The following LHFPL4 variants were observed in gnomAD, a reference collection of about 807,000 sequenced individuals.
LHFPL4 encodes the protein LHFPL tetraspan subfamily member 4.
A neutral mutation model predicts 20.0 loss-of-function variants in LHFPL4; 6 were observed. The ratio of observed to expected loss-of-function variants is 0.30; its 90% CI spans 0.16 to 0.59. The LOEUF is 0.59. Among genes scored for constraint, LHFPL4 ranks in the 20% least tolerant of loss-of-function variants. LHFPL4 has a pLI of 0.88. For synonymous variants in LHFPL4, 129 were observed against 143.8 expected (o/e 0.90, Z 0.74); for missense variants, 215 against 331.2 (o/e 0.65, Z 2.72).
intron 2 of LHFPL4, among the ~76,000 whole-genome samples, chr3:9,508,462 A>G (rs2046234957): frequency 6.6e-6 from 1 of 152,222 alleles, no homozygotes; most frequent in South Asian, 2.1e-4. Flanking sequence ...TGCGGCGGGA[A>G]CAAGCTGGAT....
chr3:9,532,276 G>T (rs556006099), intron 2 of LHFPL4, among the ~76,000 whole-genome samples: 1 of 152,106 alleles, frequency 6.6e-6, no homozygotes, highest in East Asian at 1.9e-4. Flanking sequence ...TGATCTGCCC[G>T]CCTTGGCCTC....
At chr3:9,511,315 C>A (rs2046259387) in intron 2 of LHFPL4, among the ~76,000 whole-genome samples, 1 of 151,112 alleles carries the variant, frequency 6.6e-6, no homozygotes, top group African/African-American at 2.4e-5. Flanking sequence ...CATGCCACTG[C>A]ACTCCAGCCT....
chr3:9,527,923 G>A (rs1220103242), intron 2 of LHFPL4, among the ~76,000 whole-genome samples: 1 of 151,316 alleles, frequency 6.6e-6, no homozygotes, highest in Non-Finnish European at 1.5e-5. Flanking sequence ...AATAAAGCAA[G>A]TCACACAAAT....
chr3:9,536,859 C>T (rs2046447246), intron 2 of LHFPL4, among the ~76,000 whole-genome samples: 1 of 150,492 alleles, frequency 6.6e-6, no homozygotes, highest in South Asian at 2.1e-4. Flanking sequence ...GCAGAGCTTG[C>T]AGTGAGCTGA....
intron 2 of LHFPL4, among the ~76,000 whole-genome samples, chr3:9,514,993 G>C (rs1319146732): frequency 6.6e-6 from 1 of 152,186 alleles, no homozygotes. Flanking sequence ...GTAGACATGA[G>C]TTTTTTATTC....
intron 2 of LHFPL4, among the ~76,000 whole-genome samples, chr3:9,517,760 G>C (rs112094689): frequency 1.3e-3 from 179 of 142,850 alleles, no homozygotes; most frequent in South Asian, 8.0e-3. Flanking sequence ...CTATATTGAC[G>C]TTATATTCTG....
chr3:9,502,365 T>C (rs1261741832), intron 3 of LHFPL4, 54 bp from the exon 4 acceptor site: 1 of 1,339,358 alleles, frequency 7.5e-7, no homozygotes, highest in Non-Finnish European at 1.1e-6. Flanking sequence ...AGTCAGAGGC[T>C]GCCTGGGCAT....
chr3:9,538,545 G>A (rs375496062), intron 2 of LHFPL4, among the ~76,000 whole-genome samples: 2 of 152,068 alleles, frequency 1.3e-5, no homozygotes, highest in African/African-American at 4.8e-5. Context: ...TGGTGTGCAC[G>A]CAAATTCACA....
At chr3:9,552,128 A>G in intron 2 of LHFPL4, 146 bp downstream of exon 2, 1 of 1,018,534 alleles carries the variant, frequency 9.8e-7, no homozygotes, top group Non-Finnish European at 1.4e-6. Context: ...CCTCCCCAAT[A>G]CCCACTGAGG....
intron 2 of LHFPL4, among the ~76,000 whole-genome samples, chr3:9,510,129 G>A (rs905651987): frequency 1.3e-5 from 2 of 152,120 alleles, no homozygotes; most frequent in African/African-American, 2.4e-5. Flanking sequence ...CAGATGCCAG[G>A]GGCACCACCA....
intron 2 of LHFPL4, among the ~76,000 whole-genome samples, chr3:9,511,667 C>T (rs1305247773): frequency 1.3e-5 from 2 of 152,182 alleles, no homozygotes; most frequent in Non-Finnish European, 2.9e-5. Context: ...TAGAATCTAG[C>T]TAGATACTTT....
At chr3:9,527,809 A>AACACACACACACACAC (rs58489008) in intron 2 of LHFPL4, among the ~76,000 whole-genome samples, 13 of 143,182 alleles carry the variant, frequency 9.1e-5, no homozygotes, top group African/African-American at 3.4e-4. Flanking sequence ...TTCAAATACA[A>AACACACACACACACAC]ACACACACAC....
At chr3:9,531,731 C>T (rs891403103) in intron 2 of LHFPL4, among the ~76,000 whole-genome samples, 60 of 152,000 alleles carry the variant, frequency 3.9e-4, no homozygotes, top group Non-Finnish European at 6.6e-4. Context: ...AACCCGGGAA[C>T]GGGAGGCTGC....
At chr3:9,519,165 C>G (rs1393398954) in intron 2 of LHFPL4, among the ~76,000 whole-genome samples, 2 of 152,018 alleles carry the variant, frequency 1.3e-5, no homozygotes, top group Non-Finnish European at 2.9e-5. Context: ...TCTCGAACTC[C>G]TGACCTCAGG....
intron 2 of LHFPL4, among the ~76,000 whole-genome samples, chr3:9,534,208 C>A (rs1283043341): frequency 1.3e-5 from 2 of 150,324 alleles, no homozygotes; most frequent in East Asian, 3.9e-4. Flanking sequence ...CAGAGCAAGA[C>A]CTTTTCTTAA....
At chr3:9,526,261 A>G (rs921511519) in intron 2 of LHFPL4, among the ~76,000 whole-genome samples, 7 of 152,200 alleles carry the variant, frequency 4.6e-5, no homozygotes, top group Non-Finnish European at 1.0e-4. Flanking sequence ...TAATGGGCAC[A>G]AAGTTTCAGT....
intron 2 of LHFPL4, among the ~76,000 whole-genome samples, chr3:9,522,044 T>C (rs1179216075): frequency 1.3e-5 from 2 of 152,170 alleles, no homozygotes; most frequent in Admixed American, 1.3e-4. Context: ...TCAGTTATAC[T>C]TAAAAAAATT....
intron 2 of LHFPL4, among the ~76,000 whole-genome samples, chr3:9,531,687 G>C (rs1268750954): frequency 5.9e-5 from 9 of 152,252 alleles, no homozygotes. Flanking sequence ...TGTAATCACA[G>C]CTACTTGGGA....
In LHFPL4 at chr3:9,552,742, C is replaced by A; in HGVS notation, c.-63G>T. 9.7e-7 allele frequency: 1 copy of A among 1,026,152 alleles called. No homozygotes were observed. Among genetic ancestry groups the A allele is most frequent in the Non-Finnish European group, 1.2e-6 (1 of 829,360 alleles). The allele number at this position is 1,026,152 out of a possible 1,614,324, so 63.6% of individuals were successfully genotyped here. ...CGGGGGCCGCCGGCCCGGGACGGAG[C>A]GCCGGGCTGCCGGGCGGGAGCTGGG... On this transcript the variant is annotated 5_prime_UTR_variant, in exon 2 of 4. Transcript: ENST00000287585.
Sources: gnomAD v4.1 joint callset for allele counts (sites outside exome capture counted in the v4.1 genomes callset) on GRCh38, gnomAD v4.1.1 for gene constraint, MANE v1.5 for transcripts, NCBI Gene and HGNC (gene_info 2026-07-23, HGNC 2026-07-21) for gene names.